ERBB4: variants seen among roughly 807,000 people sequenced by gnomAD.
ERBB4 encodes the protein erb-b2 receptor tyrosine kinase 4.
A neutral mutation model predicts 158.0 loss-of-function variants in ERBB4; 42 were observed. That is an observed-to-expected ratio of 0.27 (90% CI 0.21 to 0.34). The LOEUF is 0.34. Among genes scored for constraint, ERBB4 ranks in the 10% least tolerant of loss-of-function variants. ERBB4 has a pLI of 1.00. For missense variants in ERBB4, 1,333 were observed against 1,624.1 expected (o/e 0.82, Z 3.08); for synonymous variants, 583 against 558.7 (o/e 1.04, Z -0.61).
intron 12 of ERBB4, among the ~76,000 whole-genome samples, chr2:211,699,236 T>C (rs1364653245): frequency 6.6e-6 from 1 of 152,208 alleles, no homozygotes; most frequent in African/African-American, 2.4e-5. Context: ...GCATGTGTGT[T>C]GTATGTGGAA....
chr2:211,726,842 G>C lies in ERBB4; in HGVS notation c.623-1648C>G, dbSNP rs182440468. ...CCCGTACTAAAGGATTAAACCTTAA[G>C]CAAGGGACAAAAGCCCTCCATAAGT... is the stretch of plus-strand genomic sequence containing the variant. On this transcript the variant is annotated intron_variant, in intron 5 of 27. Coordinates refer to ENST00000342788, the MANE Select transcript of ERBB4 (RefSeq NM_005235.3). 1.2e-4 allele frequency among the ~76,000 whole-genome samples: 18 copies of C among 152,208 alleles called. No individual in the cohort carries two copies. In the East Asian group the frequency reaches 3.1e-3, roughly 26 times the overall value.
chr2:212,393,559 C>A (rs1342329741), intron 1 of ERBB4, among the ~76,000 whole-genome samples: 1 of 152,026 alleles, frequency 6.6e-6, no homozygotes, highest in African/African-American at 2.4e-5. Context: ...TCTATTCACA[C>A]AATAATCTTT....
At chr2:212,025,823 C>A (rs2076760079) in intron 2 of ERBB4, among the ~76,000 whole-genome samples, 1 of 151,638 alleles carries the variant, frequency 6.6e-6, no homozygotes, top group African/African-American at 2.4e-5. Flanking sequence ...ATATAAATTT[C>A]TTTCAGTCAA....
chr2:212,229,027 CTG>C (rs1342077057), intron 1 of ERBB4, among the ~76,000 whole-genome samples: 1 of 152,102 alleles, frequency 6.6e-6, no homozygotes, highest in African/African-American at 2.4e-5. Flanking sequence ...AGCATGAGCT[CTG>C]TGTATTGGCT....
intron 4 of ERBB4, among the ~76,000 whole-genome samples, chr2:211,780,448 T>C (rs1025603136): frequency 1.5e-4 from 23 of 152,240 alleles, no homozygotes; most frequent in Admixed American, 1.4e-3. Context: ...CATTTTCATC[T>C]CAAGGAACTA....
chr2:212,232,253 A>T (rs1241212408), intron 1 of ERBB4, among the ~76,000 whole-genome samples: 1 of 152,230 alleles, frequency 6.6e-6, no homozygotes, highest in Non-Finnish European at 1.5e-5. Flanking sequence ...CATAATGCTT[A>T]AATATTCTAA....
chr2:212,446,275 GTGT>G (rs1560345392), intron 1 of ERBB4, among the ~76,000 whole-genome samples: 2 of 149,632 alleles, frequency 1.3e-5, no homozygotes, highest in East Asian at 4.0e-4. Context: ...GTCTGTAAGG[GTGT>G]TGCCAGAAGA....
chr2:211,819,500 G>T (rs574787820), intron 3 of ERBB4, among the ~76,000 whole-genome samples: 2 of 152,078 alleles, frequency 1.3e-5, no homozygotes, highest in Non-Finnish European at 1.5e-5. Context: ...CCCAGAATTT[G>T]CAGAAAATAG....
At chr2:212,342,660 T>C (rs1301775679) in intron 1 of ERBB4, among the ~76,000 whole-genome samples, 3 of 152,138 alleles carry the variant, frequency 2.0e-5, no homozygotes, top group Middle Eastern at 3.2e-3. Context: ...GGGAAAGTAA[T>C]GCACCAACAG....
chr2:212,247,686 G>A (rs531676537), intron 1 of ERBB4, among the ~76,000 whole-genome samples: 33 of 152,232 alleles, frequency 2.2e-4, no homozygotes, highest in African/African-American at 7.7e-4. Context: ...GTATTAGGCC[G>A]GGAGCGGTGG....
At chr2:212,052,350 T>G (rs912153393) in intron 2 of ERBB4, among the ~76,000 whole-genome samples, 1 of 152,176 alleles carries the variant, frequency 6.6e-6, no homozygotes, top group African/African-American at 2.4e-5. Context: ...TTTGAGATTT[T>G]GGGGCTCAGA....
intron 27 of ERBB4, among the ~76,000 whole-genome samples, chr2:211,384,461 A>T (rs2062642593): frequency 6.6e-6 from 1 of 152,162 alleles, no homozygotes; most frequent in Non-Finnish European, 1.5e-5. Context: ...TCTATAAAGG[A>T]TATTGAAAAA....
At chr2:211,823,328 C>T (rs7600511) in intron 3 of ERBB4, among the ~76,000 whole-genome samples, 22,168 of 150,994 alleles carry the variant, frequency 0.15, 1,946 homozygotes, top group African/African-American at 0.24. Flanking sequence ...GTGGGTTTTG[C>T]GATTGTGAGA....
At chr2:212,464,038 T>C (rs1015767334) in intron 1 of ERBB4, among the ~76,000 whole-genome samples, 9 of 152,150 alleles carry the variant, frequency 5.9e-5, no homozygotes, top group Non-Finnish European at 8.8e-5. Flanking sequence ...AAACTGCCAC[T>C]TCTGCTTAAC....
chr2:211,686,214 A>G (rs559342471), intron 12 of ERBB4, among the ~76,000 whole-genome samples: 1 of 152,280 alleles, frequency 6.6e-6, no homozygotes, highest in Non-Finnish European at 1.5e-5. Context: ...GCTTTTCACC[A>G]TTAAGCATAA....
chr2:212,363,914 T>C (rs534077281), intron 1 of ERBB4, among the ~76,000 whole-genome samples: 2 of 151,780 alleles, frequency 1.3e-5, no homozygotes, highest in East Asian at 3.9e-4. Flanking sequence ...AAACAGCTAA[T>C]GGAAAGAGGA....
At chr2:212,002,317 AG>A (rs1357503218) in intron 2 of ERBB4, among the ~76,000 whole-genome samples, 1 of 152,154 alleles carries the variant, frequency 6.6e-6, no homozygotes, top group Non-Finnish European at 1.5e-5. Context: ...GCAGTTGTTC[AG>A]GGTATCTAAA....
chr2:211,680,515 T>G (rs1186211733), intron 12 of ERBB4, among the ~76,000 whole-genome samples: 1 of 152,184 alleles, frequency 6.6e-6, no homozygotes, highest in African/African-American at 2.4e-5. Context: ...GCAAGAACAT[T>G]TGCGAGGTGG....
At chr2:211,799,913 G>A (rs1157181410) in intron 3 of ERBB4, among the ~76,000 whole-genome samples, 12 of 151,970 alleles carry the variant, frequency 7.9e-5, no homozygotes, top group Non-Finnish European at 1.3e-4. Context: ...AGACTACTAG[G>A]CCACGTTAAA....
Sources: allele counts gnomAD v4.1 joint callset (sites outside exome capture counted in the v4.1 genomes callset), GRCh38; gene constraint gnomAD v4.1.1; transcripts MANE v1.5; gene names NCBI Gene and HGNC (gene_info 2026-07-23, HGNC 2026-07-21).